PDIA5: variants seen among roughly 807,000 people sequenced by gnomAD.
PDIA5 encodes the protein protein disulfide-isomerase A5.
Under a neutral mutation model 77.6 loss-of-function variants are expected in PDIA5, and 58 were observed. The ratio of observed to expected loss-of-function variants is 0.75; its 90% CI spans 0.61 to 0.93. PDIA5 has a LOEUF of 0.93. Ranked by LOEUF, PDIA5 falls within the 40% of genes least tolerant of loss-of-function variation. PDIA5 has a pLI of 0.00. For missense variants in PDIA5, 630 were observed against 647.7 expected, an observed-to-expected ratio of 0.97 and a Z score of 0.30; for synonymous variants, 250 against 252.1, an observed-to-expected ratio of 0.99 and a Z score of 0.08.
chr3:123,115,091 T>C (rs141595763), intron 7 of PDIA5, among the ~76,000 whole-genome samples: 1 of 152,326 alleles, frequency 6.6e-6, no homozygotes, highest in Non-Finnish European at 1.5e-5. Flanking sequence ...CTGGGCTGCC[T>C]GTCGCCACAT....
intron 5 of PDIA5, 35 bp downstream of exon 5, chr3:123,102,831 A>G (rs765900871): frequency 1.5e-5 from 21 of 1,413,072 alleles, no homozygotes; most frequent in Non-Finnish European, 2.1e-5. Flanking sequence ...GCAATGGTGG[A>G]GTCTAAATGG....
intron 14 of PDIA5, among the ~76,000 whole-genome samples, chr3:123,152,338 C>T (rs1935933455): frequency 6.6e-6 from 1 of 152,158 alleles, no homozygotes; most frequent in Non-Finnish European, 1.5e-5. Flanking sequence ...CCATCCAGGG[C>T]AGGGTCACTG....
At chr3:123,084,367 G>C (rs1576435086) in intron 1 of PDIA5, among the ~76,000 whole-genome samples, 1 of 151,872 alleles carries the variant, frequency 6.6e-6, no homozygotes, top group African/African-American at 2.4e-5. Flanking sequence ...CTTTGGCCCT[G>C]TCCCAGCCTC....
intron 8 of PDIA5, among the ~76,000 whole-genome samples, chr3:123,123,764 G>A (rs9823527): frequency 0.5 from 76,665 of 152,134 alleles, 20,597 homozygotes; most frequent in Non-Finnish European, 0.59. Flanking sequence ...GGCAAGGCCC[G>A]GCTTCTTCTG....
At chr3:123,085,708 C>G (rs2107915808) in intron 1 of PDIA5, among the ~76,000 whole-genome samples, 1 of 152,324 alleles carries the variant, frequency 6.6e-6, no homozygotes, top group Non-Finnish European at 1.5e-5. Flanking sequence ...TTCCTTCTCC[C>G]CAGTTCCAGA....
chr3:123,090,130 A>G (rs1027434291), intron 2 of PDIA5, among the ~76,000 whole-genome samples: 1 of 152,206 alleles, frequency 6.6e-6, no homozygotes, highest in African/African-American at 2.4e-5. Context: ...TAGAGGCTCC[A>G]GACGTGCCTG....
intron 7 of PDIA5, among the ~76,000 whole-genome samples, chr3:123,112,093 A>G (rs1934876385): frequency 1.3e-5 from 2 of 152,074 alleles, no homozygotes; most frequent in South Asian, 4.1e-4. Flanking sequence ...TCAAATATTC[A>G]CTGTCCGGGC....
rs1466289425 is a variant in PDIA5, at chr3:123,146,112, T to C, written c.995T>C (p.Leu332Pro). ...LHGEADSSGV[L>P]AAVDATVNKA... ...CCCCCATCCCAGAGCTCTGGTGTCC[T>C]TGCAGCTGTCGATGCCACTGTCAAC... Residue 332 changes from leucine to proline, a missense_variant, in exon 13 of 17, where the codon CTT becomes CCT. Coordinates refer to ENST00000316218, the MANE Select transcript of PDIA5 (RefSeq NM_006810.4). The C allele has an allele frequency of 6.2e-7, 1 of 1,614,198 alleles. No homozygotes were observed. The highest frequency in any genetic ancestry group is 1.7e-5 in the Admixed American group (1 of 60,024).
intron 1 of PDIA5, chr3:123,067,507 A>T (rs1016565639): frequency 2.8e-6 from 1 of 359,198 alleles, no homozygotes; most frequent in East Asian, 4.0e-5. Flanking sequence ...GTCGGGGCAC[A>T]GCCGGTCGGG....
chr3:123,079,995 CAG>C (rs1330100201), intron 1 of PDIA5, among the ~76,000 whole-genome samples: 1 of 152,270 alleles, frequency 6.6e-6, no homozygotes, highest in Non-Finnish European at 1.5e-5. Flanking sequence ...CAGTCTGAAA[CAG>C]AGCATTGGGA....
At chr3:123,109,048 C>T (rs1934806085) in intron 6 of PDIA5, among the ~76,000 whole-genome samples, 1 of 152,182 alleles carries the variant, frequency 6.6e-6, no homozygotes, top group Non-Finnish European at 1.5e-5. Flanking sequence ...GCCTTCCTCC[C>T]CCAGACACAA....
rs746600040 is a variant in PDIA5 at position 123,150,241 on chromosome 3, G to C, written c.1150G>C (p.Ala384Pro). ...TCCCCTGGCTTCTTGCAGCCCTGAGGCCCCCCCGCCCCCAGAGCCCACGTG... is the reference window on the plus strand; with the variant it reads ...TCCCCTGGCTTCTTGCAGCCCTGAGCCCCCCCCGCCCCCAGAGCCCACGTG... ...KFLEWMQNPE[A>P]PPPPEPTWEE... is the part of the protein sequence containing the mutation. Residue 384 changes from alanine to proline, a missense_variant, in exon 14 of 17, where the codon GCC becomes CCC. Ala to Pro is a conservative substitution (Grantham distance 27). Coordinates refer to ENST00000316218, the MANE Select transcript of PDIA5 (RefSeq NM_006810.4). 2.5e-6 allele frequency: 4 copies of C among 1,610,874 alleles called. No individual in the cohort carries two copies. In the Admixed American group the frequency reaches 6.7e-5, roughly 27 times the overall value.
chr3:123,135,588 A>C (rs777175133), intron 11 of PDIA5, among the ~76,000 whole-genome samples: 9 of 151,370 alleles, frequency 5.9e-5, no homozygotes, highest in Non-Finnish European at 8.8e-5. Context: ...CAGACTCAAG[A>C]TTTTCTGCTG....
chr3:123,079,101 G>T (rs1385598818), intron 1 of PDIA5, among the ~76,000 whole-genome samples: 1 of 151,882 alleles, frequency 6.6e-6, no homozygotes, highest in African/African-American at 2.4e-5. Context: ...ATTACCGAGG[G>T]CAAATCCTCA....
At chr3:123,079,175 C>CTTTTTTTTTTTTTTTTTTTTTTTTT (rs35252405) in intron 1 of PDIA5, among the ~76,000 whole-genome samples, 1 of 94,078 alleles carries the variant, frequency 1.1e-5, no homozygotes, top group Non-Finnish European at 2.0e-5. Flanking sequence ...ATTTTGAATT[C>CTTTTTTTTTTTTTTTTTTTTTTTTT]TTTTTTTTTT....
intron 10 of PDIA5, among the ~76,000 whole-genome samples, chr3:123,128,514 T>G (rs1421397472): frequency 6.6e-6 from 1 of 152,068 alleles, no homozygotes; most frequent in Non-Finnish European, 1.5e-5. Flanking sequence ...TTTTTTATTT[T>G]TTTATTTTTT....
At position 123,089,289 on chromosome 3, in the gene PDIA5, A is replaced by C. The variant is rs762869900; in HGVS notation, c.164A>C (p.Lys55Thr). 6 of 1,614,114 alleles carry C rather than the reference A, an allele frequency of 3.7e-6. No homozygotes were observed. Among genetic ancestry groups the C allele is most frequent in the Non-Finnish European group, 8.5e-7 (1 of 1,179,952 alleles). ...TRNNVLVLYSKSEVAAENHLR... is the reference protein window; with the variant it reads ...TRNNVLVLYSTSEVAAENHLR... ...AATAATGTACTGGTGCTTTACTCCAAATCTGGTGAGTGTCCCTTCCTGGCC... is the reference window on the plus strand; with the variant it reads ...AATAATGTACTGGTGCTTTACTCCACATCTGGTGAGTGTCCCTTCCTGGCC... The change falls in exon 2 of 17, where the codon AAA becomes ACA. Residue 55 changes from lysine (K) to threonine (T), a missense_variant. By Grantham distance (78) the Lys-to-Thr change is moderately conservative (BLOSUM62 -1). Coordinates refer to ENST00000316218, the MANE Select transcript of PDIA5 (RefSeq NM_006810.4).
rs576910996 is a variant in PDIA5 at position 123,119,834 on chromosome 3, G to A, written c.609+3536G>A. 3.9e-5 allele frequency among the ~76,000 whole-genome samples: 6 copies of A among 152,258 alleles called. No individual in the cohort carries two copies. In the East Asian group the frequency reaches 1.2e-3, roughly 29 times the overall value. On this transcript the variant is annotated intron_variant, in intron 8 of 16. Coordinates refer to ENST00000316218, the MANE Select transcript of PDIA5 (RefSeq NM_006810.4). ...TGTCATCTTTGAGCCTTTTTGGCTG[G>A]GTCTGTCTCTGGCAAGGGTCAAAAA...
chr3:123,145,734 A>G, intron 12 of PDIA5, 142 bp downstream of exon 12: 1 of 656,528 alleles, frequency 1.5e-6, no homozygotes, highest in Non-Finnish European at 2.7e-6. Flanking sequence ...CCCAAGTAGA[A>G]CATCTTAGAC....
Sources: gnomAD v4.1 joint callset for allele counts (sites outside exome capture counted in the v4.1 genomes callset) on GRCh38, gnomAD v4.1.1 for gene constraint, MANE v1.5 for transcripts, NCBI Gene and HGNC (gene_info 2026-07-23, HGNC 2026-07-21) for gene names.